Variants in PPHLN1 observed in about 807,000 individuals in gnomAD.
PPHLN1 encodes periphilin 1.
A neutral mutation model predicts 51.3 loss-of-function variants in PPHLN1; 29 were observed. That is an observed-to-expected ratio of 0.57 (90% CI 0.42 to 0.77). PPHLN1 has a LOEUF of 0.77. Ranked by LOEUF, PPHLN1 falls within the 30% of genes least tolerant of loss-of-function variation. The pLI is 0.00. For missense variants in PPHLN1, 436 were observed against 438.4 expected (o/e 0.99, Z 0.05); for synonymous variants, 147 against 147.8 (o/e 0.99, Z 0.04).
chr12:42,442,896 C>T (rs2083081084), downstream of PPHLN1: 5 of 1,199,712 alleles, frequency 4.2e-6, no homozygotes, highest in Non-Finnish European at 1.1e-6. Flanking sequence ...TTCGCAGGCT[C>T]AATTAAGGGA....
At chr12:42,361,440 G>T (rs2074674600) in intron 4 of PPHLN1, 1 of 152,082 alleles carries the variant, frequency 6.6e-6, no homozygotes, top group Admixed American at 6.5e-5. Context: ...TATTATGCTG[G>T]CATTCTATTG....
downstream of PPHLN1, chr12:42,443,036 A>C: frequency 3.3e-6 from 1 of 304,386 alleles, no homozygotes; most frequent in Non-Finnish European, 6.2e-6. Context: ...TCCCAGTAAA[A>C]TCTTTAACGT....
chr12:42,383,251 T>C (rs1445389294), intron 5 of PPHLN1, among the ~76,000 whole-genome samples: 1 of 152,190 alleles, frequency 6.6e-6, no homozygotes, highest in Non-Finnish European at 1.5e-5. Context: ...TTTGCTGATA[T>C]CTGTGGAGTG....
chr12:42,405,908 C>G (rs897283900), intron 9 of PPHLN1, among the ~76,000 whole-genome samples: 4 of 151,906 alleles, frequency 2.6e-5, no homozygotes, highest in African/African-American at 9.7e-5. Context: ...GAAGAGTGTT[C>G]AGAACCTAGT....
downstream of PPHLN1, chr12:42,446,306 A>G (rs2083319302): frequency 6.4e-7 from 1 of 1,557,354 alleles, no homozygotes; most frequent in African/African-American, 1.4e-5. Flanking sequence ...GGTCCTTTTT[A>G]TTCTCTCACT....
Position 42,344,121 on chromosome 12 carries a change from A to T in PPHLN1, c.73-7764A>T, listed in dbSNP as rs144352266. ...GATAGCAGGGTATAATATATATATT[A>T]TGGATGTGGTGCTTACTGTGTGCCA... is the stretch of plus-strand genomic sequence containing the variant. On this transcript the variant is annotated intron_variant, in intron 2 of 9. Transcript: ENST00000358314. 3.2e-3 allele frequency among the ~76,000 whole-genome samples: 482 copies of T among 152,320 alleles called. 1 individual carries two copies. The highest frequency in any genetic ancestry group is 0.011 in the African/African-American group (449 of 41,576).
intron 9 of PPHLN1, among the ~76,000 whole-genome samples, chr12:42,440,957 C>A (rs1156686683): frequency 6.6e-6 from 1 of 152,196 alleles, no homozygotes; most frequent in Non-Finnish European, 1.5e-5. Flanking sequence ...TTTCTTCCAA[C>A]AAATAAATGA....
intron 4 of PPHLN1, among the ~76,000 whole-genome samples, chr12:42,360,989 A>G (rs1185060767): frequency 6.6e-6 from 1 of 152,170 alleles, no homozygotes; most frequent in African/African-American, 2.4e-5. Flanking sequence ...TTCAGCTGCT[A>G]GTTTTAGCAT....
chr12:42,349,130 G>A (rs2072814939), intron 2 of PPHLN1, among the ~76,000 whole-genome samples: 1 of 152,166 alleles, frequency 6.6e-6, no homozygotes, highest in Non-Finnish European at 1.5e-5. Flanking sequence ...TTGAATTGTT[G>A]TAGTCATTAG....
chr12:42,359,242 A>G (rs1343154860), intron 4 of PPHLN1: 1 of 152,170 alleles, frequency 6.6e-6, no homozygotes, highest in Admixed American at 6.5e-5. Context: ...AACAAGGTAT[A>G]TTCTCTGTTT....
Position 42,340,182 on chromosome 12 carries a change from C to T in PPHLN1, c.72+4208C>T, listed in dbSNP as rs575414025. ...AATTAGCCATGCATAGTAGCGCATG[C>T]CTGTAGTCCCACCTACATTGGGAAG... On this transcript the variant is annotated intron_variant, in intron 2 of 9. Transcript: ENST00000358314. 3.3e-5 allele frequency among the ~76,000 whole-genome samples: 5 copies of T among 151,704 alleles called. No homozygotes were observed. The South Asian group carries it at 8.3e-4, about 25-fold the overall frequency.
chr12:42,348,072 A>G (rs1027812320), intron 2 of PPHLN1, among the ~76,000 whole-genome samples: 1 of 151,808 alleles, frequency 6.6e-6, no homozygotes, highest in East Asian at 1.9e-4. Flanking sequence ...CTGTCATTGA[A>G]TTTTTGTTTT....
At chr12:42,418,263 A>G (rs1164419379) in intron 9 of PPHLN1, among the ~76,000 whole-genome samples, 1 of 116,058 alleles carries the variant, frequency 8.6e-6, no homozygotes, top group African/African-American at 3.4e-5. Flanking sequence ...TGGGGAACGT[A>G]TTTAAAATTT....
chr12:42,397,507 T>G (rs2139268910), intron 8 of PPHLN1, among the ~76,000 whole-genome samples: 1 of 152,268 alleles, frequency 6.6e-6, no homozygotes, highest in Admixed American at 6.5e-5. Flanking sequence ...TCCTGTCTTC[T>G]CTGTTGTACT....
chr12:42,415,695 A>G (rs569916241), intron 9 of PPHLN1, among the ~76,000 whole-genome samples: 31 of 152,318 alleles, frequency 2.0e-4, no homozygotes, highest in African/African-American at 6.3e-4. Flanking sequence ...CTCTTCATCA[A>G]CAGCTCCTGA....
intron 3 of PPHLN1, among the ~76,000 whole-genome samples, chr12:42,354,451 A>G (rs1396705658): frequency 6.6e-6 from 1 of 152,022 alleles, no homozygotes; most frequent in Non-Finnish European, 1.5e-5. Flanking sequence ...CTCAAGTGAT[A>G]CACCCTCCTT....
At chr12:42,327,494 G>C (rs1431709679) in intron 1 of PPHLN1, among the ~76,000 whole-genome samples, 1 of 151,980 alleles carries the variant, frequency 6.6e-6, no homozygotes, top group South Asian at 2.1e-4. Flanking sequence ...TCTCTCTCTG[G>C]GACATTTGAG....
chr12:42,442,941 TC>T, downstream of PPHLN1: 1 of 801,590 alleles, frequency 1.2e-6, no homozygotes, highest in South Asian at 2.2e-5. Flanking sequence ...TAACCCATGG[TC>T]CCCAGAAGAA....
At chr12:42,400,292 C>T (rs889951438) in intron 9 of PPHLN1, 1 of 151,288 alleles carries the variant, frequency 6.6e-6, no homozygotes, top group Non-Finnish European at 1.5e-5. Flanking sequence ...AACGGTGAAA[C>T]CCCGTCTCTA....
Sources: gnomAD v4.1 joint callset for allele counts (sites outside exome capture counted in the v4.1 genomes callset) on GRCh38, gnomAD v4.1.1 for gene constraint, MANE v1.5 for transcripts, NCBI Gene and HGNC (gene_info 2026-07-23, HGNC 2026-07-21) for gene names.